Variants in CAMKMT observed in about 807,000 individuals in gnomAD.
CAMKMT encodes CaM KMT.
In CAMKMT, 53 loss-of-function variants were observed where a neutral mutation model predicts 48.0. The ratio of observed to expected loss-of-function variants is 1.10; its 90% CI spans 0.89 to 1.39. CAMKMT has a LOEUF of 1.39. Ranked by LOEUF, CAMKMT falls within the 40% of genes most tolerant of loss-of-function variation. The pLI is 0.00. For missense variants in CAMKMT, 428 were observed against 402.7 expected, an observed-to-expected ratio of 1.06 and a Z score of -0.54; for synonymous variants, 165 against 152.3, an observed-to-expected ratio of 1.08 and a Z score of -0.61.
At chr2:44,506,692 T>C (rs891193997) in intron 3 of CAMKMT, among the ~76,000 whole-genome samples, 2 of 152,166 alleles carry the variant, frequency 1.3e-5, no homozygotes, top group Admixed American at 1.3e-4. Context: ...ACATTTCACA[T>C]AGTATAAATA....
intron 3 of CAMKMT, among the ~76,000 whole-genome samples, chr2:44,410,746 A>T (rs1443041011): frequency 6.6e-6 from 1 of 152,208 alleles, no homozygotes; most frequent in African/African-American, 2.4e-5. Flanking sequence ...GGATTGCTGA[A>T]GCAAAGAGTA....
intron 3 of CAMKMT, among the ~76,000 whole-genome samples, chr2:44,433,825 T>G (rs957561751): frequency 6.6e-6 from 1 of 152,238 alleles, no homozygotes; most frequent in African/African-American, 2.4e-5. Context: ...TTCCTCAATT[T>G]AAGAGAAATC....
At chr2:44,613,844 T>C (rs1572920087) in intron 3 of CAMKMT, among the ~76,000 whole-genome samples, 1 of 152,324 alleles carries the variant, frequency 6.6e-6, no homozygotes, top group African/African-American at 2.4e-5. Flanking sequence ...TCACTAGTCA[T>C]GTGATCCCCT....
At chr2:44,558,153 C>T (rs551880084) in intron 3 of CAMKMT, among the ~76,000 whole-genome samples, 2 of 152,292 alleles carry the variant, frequency 1.3e-5, no homozygotes, top group South Asian at 4.1e-4. Flanking sequence ...CTCCTGGGCT[C>T]AAGTGATCCT....
At chr2:44,475,562 C>T (rs1257257030) in intron 3 of CAMKMT, among the ~76,000 whole-genome samples, 4 of 151,946 alleles carry the variant, frequency 2.6e-5, no homozygotes, top group Non-Finnish European at 5.9e-5. Flanking sequence ...GTGATCCGCC[C>T]GTCTTGGCTC....
chr2:44,429,854 A>T (rs1341877279), intron 3 of CAMKMT, among the ~76,000 whole-genome samples: 2 of 150,772 alleles, frequency 1.3e-5, no homozygotes, highest in Non-Finnish European at 3.0e-5. Flanking sequence ...AACCTATCAG[A>T]GTCAGGTGCT....
chr2:44,682,073 C>T (rs376475445), intron 3 of CAMKMT, among the ~76,000 whole-genome samples: 2 of 152,126 alleles, frequency 1.3e-5, no homozygotes, highest in African/African-American at 2.4e-5. Flanking sequence ...AAGATGGGGT[C>T]GATGTGCCTT....
At chr2:44,479,632 G>A (rs1668866365) in intron 3 of CAMKMT, among the ~76,000 whole-genome samples, 1 of 152,158 alleles carries the variant, frequency 6.6e-6, no homozygotes, top group South Asian at 2.1e-4. Context: ...CCTATAGGTG[G>A]CAGCAGTTCC....
rs1315285521 is a variant in CAMKMT at position 44,772,023 on chromosome 2, T to C, written c.895-13T>C. Reference sequence around the variant, plus strand: ...GAGTCCCCTTACCTTTTTCTTTCTATTATTGTTTTCAGTTGAAAAAGGAAA... The same window carrying C: ...GAGTCCCCTTACCTTTTTCTTTCTACTATTGTTTTCAGTTGAAAAAGGAAA... On this transcript the variant is annotated splice_polypyrimidine_tract_variant and intron_variant, in intron 10 of 10. Transcript: ENST00000378494. 1.9e-6 allele frequency: 3 copies of C among 1,594,276 alleles called. No homozygotes were observed. The highest frequency in any genetic ancestry group is 2.2e-5 in the South Asian group (2 of 90,166).
chr2:44,587,502 T>C (rs1401598500), intron 3 of CAMKMT, among the ~76,000 whole-genome samples: 1 of 139,062 alleles, frequency 7.2e-6, no homozygotes, highest in Non-Finnish European at 1.6e-5. Context: ...ACGGTCTCCT[T>C]CCACGGTCTC....
Position 44,471,801 on chromosome 2 carries a change from C to G in CAMKMT, c.376+81496C>G, listed in dbSNP as rs1000128643. 1.1e-4 allele frequency among the ~76,000 whole-genome samples: 16 copies of G among 152,118 alleles called. No homozygotes were observed. The East Asian group carries it at 2.9e-3, about 28-fold the overall frequency. On this transcript the variant is annotated intron_variant, in intron 3 of 10. Transcript: ENST00000378494. The stretch of plus-strand genomic sequence containing the variant: ...GTTCAAGTAATTCTTGTGCCTCAGC[C>G]TCCCGTGTGGCTGAGATTAGAGGTG...
At chr2:44,548,413 C>T (rs1415127593) in intron 3 of CAMKMT, among the ~76,000 whole-genome samples, 1 of 152,114 alleles carries the variant, frequency 6.6e-6, no homozygotes, top group East Asian at 1.9e-4. Context: ...CACATGAAAC[C>T]ACAAGCCCTG....
chr2:44,574,092 A>G (rs1349063083), intron 3 of CAMKMT, among the ~76,000 whole-genome samples: 1 of 152,136 alleles, frequency 6.6e-6, no homozygotes, highest in African/African-American at 2.4e-5. Context: ...TTTACCCAGG[A>G]TTTGTTTTAA....
intron 3 of CAMKMT, among the ~76,000 whole-genome samples, chr2:44,417,849 C>A (rs752864028): frequency 2.0e-5 from 3 of 152,122 alleles, no homozygotes; most frequent in Non-Finnish European, 2.9e-5. Flanking sequence ...ATATCTTCAT[C>A]TGTGAAGTGT....
chr2:44,652,721 G>C (rs1049632733), intron 3 of CAMKMT, among the ~76,000 whole-genome samples: 12 of 152,216 alleles, frequency 7.9e-5, no homozygotes, highest in Non-Finnish European at 1.6e-4. Flanking sequence ...GCGGGGTCTA[G>C]TGGGAGGAGT....
chr2:44,716,489 C>T (rs975246565), intron 7 of CAMKMT, among the ~76,000 whole-genome samples: 2 of 152,056 alleles, frequency 1.3e-5, no homozygotes, highest in Non-Finnish European at 2.9e-5. Context: ...AATGAAGTGT[C>T]CATAGTGTAT....
chr2:44,518,418 G>A (rs1036634133), intron 3 of CAMKMT, among the ~76,000 whole-genome samples: 2 of 152,148 alleles, frequency 1.3e-5, no homozygotes, highest in East Asian at 3.8e-4. Flanking sequence ...AAAACATAAT[G>A]TTTGCTAAAG....
chr2:44,745,678 A>T (rs528728054), intron 8 of CAMKMT, among the ~76,000 whole-genome samples: 3 of 152,232 alleles, frequency 2.0e-5, no homozygotes, highest in African/African-American at 7.2e-5. Flanking sequence ...AAATGCCAGA[A>T]TGTCAGCCTG....
At chr2:44,750,601 A>G (rs966387438) in intron 8 of CAMKMT, among the ~76,000 whole-genome samples, 6 of 152,350 alleles carry the variant, frequency 3.9e-5, no homozygotes, top group Non-Finnish European at 8.8e-5. Flanking sequence ...ACACTCCTCA[A>G]GCCATACACT....
Sources: gnomAD v4.1 joint callset for allele counts (sites outside exome capture counted in the v4.1 genomes callset) on GRCh38, gnomAD v4.1.1 for gene constraint, MANE v1.5 for transcripts, NCBI Gene and HGNC (gene_info 2026-07-23, HGNC 2026-07-21) for gene names.